Variants in PRXL2B observed in about 807,000 individuals in gnomAD.
PRXL2B encodes peroxiredoxin like 2B, also known as prostamide/prostaglandin F synthase.
Under a neutral mutation model 24.4 loss-of-function variants are expected in PRXL2B, and 26 were observed. The ratio of observed to expected loss-of-function variants is 1.07; its 90% CI spans 0.78 to 1.48. The LOEUF is 1.48. Ranked by LOEUF, PRXL2B falls within the 40% of genes most tolerant of loss-of-function variation. PRXL2B has a pLI of 0.00. For missense variants in PRXL2B, 269 were observed against 264.8 expected (o/e 1.02, Z -0.11); for synonymous variants, 115 against 118.9 (o/e 0.97, Z 0.21).
At position 2,589,060 on chromosome 1, in the gene PRXL2B, C is replaced by G. The variant is rs765907216; in HGVS notation, c.579+20C>G. The G allele has an allele frequency of 6.2e-7, 1 of 1,606,716 alleles. No homozygotes were observed. Among genetic ancestry groups the G allele is most frequent in the African/African-American group, 1.3e-5 (1 of 74,954 alleles). ...CCTCAGGTGAGCTGGGCCTTGGGGG[C>G]GCTGCCTGCCAGCCCACGCCCTGCC... On this transcript the variant is annotated intron_variant, in intron 6 of 6. Transcript: ENST00000419916.
At position 2,588,404 on chromosome 1, in the gene PRXL2B, GCATC is replaced by G; in HGVS notation, c.337_340del (p.Ile113SerfsTer103). 1 of 1,614,178 alleles carries G rather than the reference GCATC, an allele frequency of 6.2e-7. No homozygotes were observed. The highest frequency in any genetic ancestry group is 1.1e-5 in the South Asian group (1 of 91,088). On this transcript the variant is annotated frameshift_variant, in exon 4 of 7. Transcript: ENST00000419916. LOFTEE classifies it high-confidence loss of function. ...TGTCTTCGCAGGTACAACAGCCTGA[GCATC>G]CTCCCAGCAGCTCTGGGGAAGCCCG...
intron 4 of PRXL2B, 28 bp downstream of exon 4, chr1:2,588,481 C>CG (rs776223428): frequency 1.4e-5 from 22 of 1,613,504 alleles, no homozygotes; most frequent in Non-Finnish European, 1.7e-5. Context: ...GTGTACAGGC[C>CG]GGGGGGTGGT....
chr1:2,589,321 G>T, intron 6 of PRXL2B, 89 bp from the exon 7 acceptor site: 1 of 1,550,586 alleles, frequency 6.4e-7, no homozygotes, highest in Non-Finnish European at 8.8e-7. Flanking sequence ...TCTCAGCCTT[G>T]GGAGGGCTGG....
At chr1:2,586,571 G>C (rs1297786518), upstream of PRXL2B, 4 of 457,592 alleles carry the variant, frequency 8.7e-6, no homozygotes, top group Non-Finnish European at 3.5e-6. Flanking sequence ...TTGGCGCCGC[G>C]ATCTCGAGGC....
rs762498028 is a variant in PRXL2B at position 2,589,415 on chromosome 1, CAGAG to C, written c.588_591del (p.Glu197CysfsTer19). On this transcript the variant is annotated frameshift_variant, in exon 7 of 7. Coordinates refer to ENST00000419916, the MANE Select transcript of PRXL2B (RefSeq NM_152371.5). LOFTEE classifies it high-confidence loss of function. Reference sequence around the variant, plus strand: ...GGACCCTGCTGTCCCCACAGTGTGACAGAGAGGTGTGAGGGAGGCGAAGGCCCTG... The same window carrying C: ...GGACCCTGCTGTCCCCACAGTGTGACAGGTGTGAGGGAGGCGAAGGCCCTG... 9 of 1,613,670 alleles carry C rather than the reference CAGAG, an allele frequency of 5.6e-6. No homozygotes were observed. Among genetic ancestry groups the C allele is most frequent in the Admixed American group, 3.3e-5 (2 of 59,982 alleles).
chr1:2,590,761 C>T lies in PRXL2B; in HGVS notation c.*1334C>T, dbSNP rs1170733980. The T allele has an allele frequency of 2.0e-5, 8 of 404,340 alleles. No homozygotes were observed. The South Asian group carries it at 3.1e-4, about 16-fold the overall frequency. The allele number at this position is 404,340 out of a possible 1,614,324, so 25.0% of individuals were successfully genotyped here. ...AGAGCTGTGACGGGGGCACTGAGCC[C>T]CGCGGGTGTCTGTGGAGGGGGCTCC... On this transcript the variant is annotated 3_prime_UTR_variant, in exon 7 of 7. Coordinates refer to ENST00000419916, the MANE Select transcript of PRXL2B (RefSeq NM_152371.5).
Position 2,587,178 on chromosome 1 carries a change from G to A in PRXL2B, c.151G>A (p.Ala51Thr), listed in dbSNP as rs769719500. The change falls in exon 2 of 7, where the codon GCC becomes ACC. Residue 51 changes from alanine to threonine, a missense_variant. Transcript: ENST00000419916. This position sits in a 1 kb window ranked among gnomAD's most constrained non-coding sequence, Gnocchi z 6.1. ...RFGCVVCRWI[A>T]QDLSSLAGLL... The stretch of plus-strand genomic sequence containing the variant: ...CGGGTGCGTGGTGTGCCGCTGGATC[G>A]CCCAGGACCTCAGCAGCCTTGCTGG... The A allele has an allele frequency of 2.6e-6, 4 of 1,559,450 alleles. No homozygotes were observed. The highest frequency in any genetic ancestry group is 3.4e-6 in the Non-Finnish European group (4 of 1,159,598).
Position 2,590,725 on chromosome 1 carries a change from A to AT in PRXL2B, c.*1300dup, listed in dbSNP as rs1269936456. The AT allele has an allele frequency of 7.7e-6, 3 of 387,742 alleles. No homozygotes were observed. Among genetic ancestry groups the AT allele is most frequent in the Non-Finnish European group, 1.4e-5 (3 of 219,196 alleles). The allele number at this position is 387,742 out of a possible 1,614,324, so 24.0% of individuals were successfully genotyped here. On this transcript the variant is annotated 3_prime_UTR_variant, in exon 7 of 7. Coordinates refer to ENST00000419916, the MANE Select transcript of PRXL2B (RefSeq NM_152371.5). ...TTGGAGGGTGGGCAGGACACAGTTG[A>AT]TTGTCTCTACAGAGCTGTGACGGGG...
rs974690096 is a variant in PRXL2B at position 2,589,568 on chromosome 1, A to G, written c.*141A>G. ...CCTGATCCGCCGGCAGCAACGAGCC[A>G]TTAAAACTGCAGTTCCTGACCACGC... On this transcript the variant is annotated 3_prime_UTR_variant, in exon 7 of 7. Coordinates refer to ENST00000419916, the MANE Select transcript of PRXL2B (RefSeq NM_152371.5). 1.2e-5 allele frequency: 14 copies of G among 1,214,432 alleles called. No individual in the cohort carries two copies. The Admixed American group carries it at 2.5e-4, about 21-fold the overall frequency. 75.2% of individuals were successfully genotyped at this position (1,214,432 alleles called of 1,614,324 possible).
In PRXL2B at chr1:2,587,721, A is replaced by C; in HGVS notation, c.269-20A>C. ...CTGGTTCTGCGCCTGGGGCACACAC[A>C]TGTGGCTTCCGCTTTCCAGAGCTCT... is the stretch of plus-strand genomic sequence containing the variant. On this transcript the variant is annotated intron_variant, in intron 2 of 6. Coordinates refer to ENST00000419916, the MANE Select transcript of PRXL2B (RefSeq NM_152371.5). This position sits in a 1 kb window ranked among gnomAD's most constrained non-coding sequence, Gnocchi z 6.1. 2 of 1,556,984 alleles carry C rather than the reference A, an allele frequency of 1.3e-6. No individual in the cohort carries two copies. Among genetic ancestry groups the C allele is most frequent in the Non-Finnish European group, 1.7e-6 (2 of 1,146,168 alleles).
rs1644626504 is a variant in PRXL2B at position 2,589,497 on chromosome 1, T to C, written c.*70T>C. 6.2e-7 allele frequency: 1 copy of C among 1,610,090 alleles called. No individual in the cohort carries two copies. The highest frequency in any genetic ancestry group is 1.1e-5 in the South Asian group (1 of 90,982). ...TGCCCTAGGTGTGCTGGAAGTCCAC[T>C]TGGAAGAACTGTTCCGGAGGCGCTG... On this transcript the variant is annotated 3_prime_UTR_variant, in exon 7 of 7. Transcript: ENST00000419916.
Position 2,587,206 on chromosome 1 carries a change from T to C in PRXL2B, c.179T>C (p.Leu60Pro). The C allele has an allele frequency of 6.4e-7, 1 of 1,569,402 alleles. No homozygotes were observed. ...CAGGACCTCAGCAGCCTTGCTGGGC[T>C]CCTGGACCAACACGGCGTGCGCCTG... ...IAQDLSSLAG[L>P]LDQHGVRLVG... The change falls in exon 2 of 7, where the codon CTC becomes CCC. Residue 60 changes from leucine to proline, a missense_variant. Coordinates refer to ENST00000419916, the MANE Select transcript of PRXL2B (RefSeq NM_152371.5). The surrounding 1 kb of genome is among the most constrained non-coding windows in gnomAD (Gnocchi z 6.1).
chr1:2,591,346 C>G lies in PRXL2B; in HGVS notation c.*1919C>G. ...TTCACACAGAAACATTCGCAGCCTGCGGTAGGCTCCCCCTTCCTAAACCCT... is the reference window on the plus strand; with the variant it reads ...TTCACACAGAAACATTCGCAGCCTGGGGTAGGCTCCCCCTTCCTAAACCCT... On this transcript the variant is annotated 3_prime_UTR_variant, in exon 7 of 7. Coordinates refer to ENST00000419916, the MANE Select transcript of PRXL2B (RefSeq NM_152371.5). The G allele has an allele frequency of 3.3e-6, 2 of 600,964 alleles. No homozygotes were observed. Among genetic ancestry groups the G allele is most frequent in the Non-Finnish European group, 5.9e-6 (2 of 338,520 alleles). The allele number at this position is 600,964 out of a possible 1,614,324, so 37.2% of individuals were successfully genotyped here. A position where few individuals can be genotyped will look rare whatever the true frequency, so the allele number is the denominator to read the frequency against.
In PRXL2B at chr1:2,586,812, G is replaced by T; in HGVS notation, c.-74G>T. 2 of 1,265,514 alleles carry T rather than the reference G, an allele frequency of 1.6e-6. No individual in the cohort carries two copies. The highest frequency in any genetic ancestry group is 9.9e-7 in the Non-Finnish European group (1 of 1,006,928). 78.4% of individuals were successfully genotyped at this position (1,265,514 alleles called of 1,614,324 possible). A position where few individuals can be genotyped will look rare whatever the true frequency, so the allele number is the denominator to read the frequency against. On this transcript the variant is annotated 5_prime_UTR_variant, in exon 1 of 7. Transcript: ENST00000419916. ...GCTGGATCTATGAGCCGGGAGCGGGGATCCAGGAGCGAGGAGCCGGGAGCG... is the reference window on the plus strand; with the variant it reads ...GCTGGATCTATGAGCCGGGAGCGGGTATCCAGGAGCGAGGAGCCGGGAGCG...
rs962316298 is a variant in PRXL2B, at chr1:2,587,659, G to A, written c.269-82G>A. 2.7e-6 allele frequency: 4 copies of A among 1,479,876 alleles called. No individual in the cohort carries two copies. The highest frequency in any genetic ancestry group is 1.4e-5 in the African/African-American group (1 of 71,932). 91.7% of individuals were successfully genotyped at this position (1,479,876 alleles called of 1,614,324 possible). ...TGGGCAGAGGAACAGAGGGTCGGAA[G>A]GAGGAGGGCGATTCTTTGTGGTGAG... On this transcript the variant is annotated intron_variant, in intron 2 of 6. Coordinates refer to ENST00000419916, the MANE Select transcript of PRXL2B (RefSeq NM_152371.5). This position sits in a 1 kb window ranked among gnomAD's most constrained non-coding sequence, Gnocchi z 6.1.
chr1:2,587,924 T>C lies in PRXL2B; in HGVS notation c.320+132T>C. 1 of 1,010,880 alleles carries C rather than the reference T, an allele frequency of 9.9e-7. No individual in the cohort carries two copies. The highest frequency in any genetic ancestry group is 1.6e-5 in the South Asian group (1 of 62,494). The allele number at this position is 1,010,880 out of a possible 1,614,324, so 62.6% of individuals were successfully genotyped here. A position where few individuals can be genotyped will look rare whatever the true frequency, so the allele number is the denominator to read the frequency against. ...CGGGCCTTCCTGGGCAAGGCGGCTC[T>C]GGTGGCACTGTTGACCAGCCCTTCT... On this transcript the variant is annotated intron_variant, in intron 3 of 6. Transcript: ENST00000419916. This position sits in a 1 kb window ranked among gnomAD's most constrained non-coding sequence, Gnocchi z 6.1.
Position 2,587,245 on chromosome 1 carries a change from C to A in PRXL2B, c.218C>A (p.Pro73His), listed in dbSNP as rs1157106971. 2 of 1,578,240 alleles carry A rather than the reference C, an allele frequency of 1.3e-6. No homozygotes were observed. Among genetic ancestry groups the A allele is most frequent in the Non-Finnish European group, 1.7e-6 (2 of 1,168,324 alleles). Residue 73 changes from proline (P) to histidine (H), a missense_variant, in exon 2 of 7, where the codon CCC becomes CAC. Transcript: ENST00000419916. The surrounding 1 kb of genome is among the most constrained non-coding windows in gnomAD (Gnocchi z 6.1). ...GGCGTGCGCCTGGTGGGCGTAGGGC[C>A]CGAGGCCCTGGGTCTGCAGGAGTTC... ...QHGVRLVGVGPEALGLQEFLD... is the reference protein window; with the variant it reads ...QHGVRLVGVGHEALGLQEFLD...
rs554313484 is a variant in PRXL2B, at chr1:2,590,611, G to C, written c.*1184G>C. ...CACTGCTACCTGTTTACCCACCCTGGTCCCTCCCAGACAAGCAAGGCCTCT... is the reference window on the plus strand; with the variant it reads ...CACTGCTACCTGTTTACCCACCCTGCTCCCTCCCAGACAAGCAAGGCCTCT... On this transcript the variant is annotated 3_prime_UTR_variant, in exon 7 of 7. Transcript: ENST00000419916. The C allele has an allele frequency of 5.2e-6, 1 of 191,568 alleles. No homozygotes were observed. Among genetic ancestry groups the C allele is most frequent in the South Asian group, 1.9e-4 (1 of 5,198 alleles). 11.9% of individuals were successfully genotyped at this position (191,568 alleles called of 1,614,324 possible).
Position 2,587,015 on chromosome 1 carries a change from A to G in PRXL2B, c.63+67A>G, listed in dbSNP as rs1478202996. The stretch of plus-strand genomic sequence containing the variant: ...TCCTTGCCCGGGCGTCCTGGCAGCG[A>G]TGGGGTGGTGGGGGCCGCGGGGCCT... On this transcript the variant is annotated intron_variant, in intron 1 of 6. Coordinates refer to ENST00000419916, the MANE Select transcript of PRXL2B (RefSeq NM_152371.5). This position sits in a 1 kb window ranked among gnomAD's most constrained non-coding sequence, Gnocchi z 6.1. 6.5e-5 allele frequency: 32 copies of G among 491,210 alleles called. No individual in the cohort carries two copies. The highest frequency in any genetic ancestry group is 7.5e-5 in the Non-Finnish European group (28 of 371,710). 30.4% of individuals were successfully genotyped at this position (491,210 alleles called of 1,614,324 possible). A position where few individuals can be genotyped will look rare whatever the true frequency, so the allele number is the denominator to read the frequency against.
Sources: allele counts gnomAD v4.1 joint callset, GRCh38; gene constraint gnomAD v4.1.1; non-coding constraint Gnocchi (gnomAD v3.1); transcripts MANE v1.5; gene names NCBI Gene and HGNC (gene_info 2026-07-23, HGNC 2026-07-21).